Variants in NXPH1 observed in about 807,000 individuals in gnomAD.
NXPH1 encodes the protein neurexophilin 1, also known as neurexophilin-1.
NXPH1 carries 5 observed loss-of-function variants against 23.7 expected under a neutral mutation model. The ratio of observed to expected loss-of-function variants is 0.21; its 90% CI spans 0.11 to 0.44. The LOEUF is 0.44. NXPH1 is among the 20% of genes least tolerant of loss of function. The pLI, the probability that NXPH1 is intolerant of heterozygous loss-of-function variation, is 0.99. For synonymous variants in NXPH1, 144 were observed against 122.2 expected, an observed-to-expected ratio of 1.18 and a Z score of -1.18; for missense variants, 324 against 321.6, an observed-to-expected ratio of 1.01 and a Z score of -0.06.
At chr7:8,454,598 C>G (rs1243626163) in intron 2 of NXPH1, among the ~76,000 whole-genome samples, 1 of 152,102 alleles carries the variant, frequency 6.6e-6, no homozygotes, top group African/African-American at 2.4e-5. Flanking sequence ...ATTAGCCACT[C>G]TTTCTGGCCC....
In NXPH1 at chr7:8,685,146, T is replaced by G. The variant is rs10278736; in HGVS notation, c.55-65862T>G. On this transcript the variant is annotated intron_variant, in intron 2 of 2. Transcript: ENST00000405863. ...AAAACCTGCCCTTATATGATGCTCC[T>G]TTAAATTAATTCACACAATAGTTTA... is the stretch of plus-strand genomic sequence containing the variant. Among the ~76,000 whole-genome samples, 875 of 152,294 alleles carry G rather than the reference T, an allele frequency of 5.7e-3. 8 individuals carry two copies. The highest frequency in any genetic ancestry group is 0.02 in the African/African-American group (818 of 41,574).
chr7:8,448,128 C>A (rs1167830361), intron 2 of NXPH1, among the ~76,000 whole-genome samples: 1 of 152,202 alleles, frequency 6.6e-6, no homozygotes, highest in Non-Finnish European at 1.5e-5. Context: ...TTCCTTAATT[C>A]TGTGACTTTG....
intron 2 of NXPH1, among the ~76,000 whole-genome samples, chr7:8,551,493 G>C (rs142017525): frequency 4.5e-4 from 68 of 151,522 alleles, no homozygotes; most frequent in African/African-American, 1.4e-3. Context: ...CTTATAAAAT[G>C]GTGATGAATT....
At chr7:8,679,870 A>T (rs1821024754) in intron 2 of NXPH1, among the ~76,000 whole-genome samples, 1 of 152,228 alleles carries the variant, frequency 6.6e-6, no homozygotes, top group South Asian at 2.1e-4. Flanking sequence ...AAAATACAAA[A>T]ATTAGCCAGG....
In NXPH1 at chr7:8,607,614, A is replaced by G. The variant is rs574942809; in HGVS notation, c.55-143394A>G. On this transcript the variant is annotated intron_variant, in intron 2 of 2. Transcript: ENST00000405863. The stretch of plus-strand genomic sequence containing the variant: ...CTTTTCTTTCTAAAATCATTATTAT[A>G]TCCTCTGGAAATAGAGTATCCCATA... Among the ~76,000 whole-genome samples, 5 of 152,310 alleles carry G rather than the reference A, an allele frequency of 3.3e-5. No homozygotes were observed. The South Asian group carries it at 8.3e-4, about 25-fold the overall frequency.
intron 2 of NXPH1, among the ~76,000 whole-genome samples, chr7:8,485,925 T>G (rs1817151188): frequency 1.3e-5 from 2 of 152,132 alleles, no homozygotes; most frequent in South Asian, 4.1e-4. Flanking sequence ...TGGGTTAAAC[T>G]TCATTGGTGT....
rs1440169213 is a variant in NXPH1 at position 8,726,499 on chromosome 7, C to T, written c.55-24509C>T. ...GTCCCTCCCCCCTCCCCCCACCCCA[C>T]AACAGTCCCCAGAGTGTGATGTTCC... On this transcript the variant is annotated intron_variant, in intron 2 of 2. Coordinates refer to ENST00000405863, the MANE Select transcript of NXPH1 (RefSeq NM_152745.3). Among the ~76,000 whole-genome samples the T allele has an allele frequency of 2.4e-5, 3 of 123,932 alleles. No homozygotes were observed. The East Asian group carries it at 7.7e-4, about 32-fold the overall frequency. The allele number at this position is 123,932 out of a possible 152,430, so 81.3% of individuals were successfully genotyped here. A position where few individuals can be genotyped will look rare whatever the true frequency, so the allele number is the denominator to read the frequency against.
At chr7:8,518,972 T>A (rs553080765) in intron 2 of NXPH1, among the ~76,000 whole-genome samples, 1 of 152,228 alleles carries the variant, frequency 6.6e-6, no homozygotes, top group South Asian at 2.1e-4. Flanking sequence ...GATTTTGTAG[T>A]TTTGTGAAGC....
At chr7:8,683,991 G>C (rs1821100006) in intron 2 of NXPH1, among the ~76,000 whole-genome samples, 1 of 152,152 alleles carries the variant, frequency 6.6e-6, no homozygotes, top group Non-Finnish European at 1.5e-5. Flanking sequence ...TAAAGTTCAG[G>C]AAGGATTTGG....
At chr7:8,678,928 ATTTTTTTTTTT>A (rs540056222) in intron 2 of NXPH1, among the ~76,000 whole-genome samples, 59 of 68,794 alleles carry the variant, frequency 8.6e-4, no homozygotes, top group East Asian at 3.8e-3. Context: ...GCTTTATCCA[ATTTTTTTTTTT>A]TTTTTTTTTT....
chr7:8,689,080 T>G (rs1006945896), intron 2 of NXPH1, among the ~76,000 whole-genome samples: 1 of 152,176 alleles, frequency 6.6e-6, no homozygotes, highest in Non-Finnish European at 1.5e-5. Flanking sequence ...GTCTCTGGAA[T>G]TTTTTAAAGC....
At chr7:8,616,892 C>G (rs1819753712) in intron 2 of NXPH1, among the ~76,000 whole-genome samples, 2 of 150,252 alleles carry the variant, frequency 1.3e-5, no homozygotes, top group East Asian at 3.9e-4. Context: ...GTATGGATAT[C>G]AGATTTGAGG....
chr7:8,664,512 A>G (rs1337138813), intron 2 of NXPH1, among the ~76,000 whole-genome samples: 1 of 152,134 alleles, frequency 6.6e-6, no homozygotes, highest in African/African-American at 2.4e-5. Flanking sequence ...TTACAAAGAT[A>G]TAAAAAAAGA....
intron 2 of NXPH1, among the ~76,000 whole-genome samples, chr7:8,741,603 G>T (rs1031931077): frequency 6.6e-6 from 1 of 152,108 alleles, no homozygotes; most frequent in Non-Finnish European, 1.5e-5. Flanking sequence ...ATGCTGACAG[G>T]TGTGAGGTGA....
chr7:8,711,207 C>G (rs112988684), intron 2 of NXPH1, among the ~76,000 whole-genome samples: 1 of 152,114 alleles, frequency 6.6e-6, no homozygotes. Flanking sequence ...AAAGACTTTA[C>G]GGACATACTT....
At chr7:8,587,563 G>A (rs1226451353) in intron 2 of NXPH1, among the ~76,000 whole-genome samples, 1 of 152,082 alleles carries the variant, frequency 6.6e-6, no homozygotes, top group Non-Finnish European at 1.5e-5. Context: ...GCATACACGT[G>A]TCATGGTGGT....
At chr7:8,455,016 C>A (rs984970198) in intron 2 of NXPH1, among the ~76,000 whole-genome samples, 1 of 152,036 alleles carries the variant, frequency 6.6e-6, no homozygotes, top group Non-Finnish European at 1.5e-5. Flanking sequence ...ATTTATGATG[C>A]TGTTTTTTTC....
chr7:8,659,239 A>G (rs913570503), intron 2 of NXPH1, among the ~76,000 whole-genome samples: 2 of 152,132 alleles, frequency 1.3e-5, no homozygotes, highest in Non-Finnish European at 2.9e-5. Flanking sequence ...AACGGCCTTA[A>G]ACAGGTTTAT....
At chr7:8,537,530 T>A (rs528875029) in intron 2 of NXPH1, among the ~76,000 whole-genome samples, 1 of 151,904 alleles carries the variant, frequency 6.6e-6, no homozygotes, top group South Asian at 2.1e-4. Flanking sequence ...TTCACTATCA[T>A]CAGAACAGCA....
Sources: allele counts gnomAD v4.1 joint callset (sites outside exome capture counted in the v4.1 genomes callset), GRCh38; gene constraint gnomAD v4.1.1; transcripts MANE v1.5; gene names NCBI Gene and HGNC (gene_info 2026-07-23, HGNC 2026-07-21).